ATP8B4: variants seen among roughly 807,000 people sequenced by gnomAD.
ATP8B4 encodes ATPase phospholipid transporting 8B4 (putative).
In ATP8B4, 133 loss-of-function variants were observed where a neutral mutation model predicts 145.6. The observed-to-expected ratio is 0.91, with a 90% confidence interval of 0.79 to 1.05. The LOEUF (loss-of-function observed/expected upper bound fraction) is 1.05. Among genes scored for constraint, ATP8B4 ranks in the 50% least tolerant of loss-of-function variants. The probability of loss-of-function intolerance (pLI) is 0.00; values close to 1 mark genes in which losing one functional copy is unlikely to be tolerated. For synonymous variants in ATP8B4, 507 were observed against 492.9 expected, an observed-to-expected ratio of 1.03 and a Z score of -0.38; for missense variants, 1,458 against 1,425.2, an observed-to-expected ratio of 1.02 and a Z score of -0.37.
chr15:49,906,999 C>T (rs2038694639), intron 20 of ATP8B4, among the ~76,000 whole-genome samples: 1 of 152,164 alleles, frequency 6.6e-6, no homozygotes, highest in Non-Finnish European at 1.5e-5. Flanking sequence ...CATATAAGAA[C>T]ACAAGTCATC....
upstream of ATP8B4, among the ~76,000 whole-genome samples, chr15:50,124,205 C>G (rs1225948433): frequency 1.3e-5 from 2 of 152,150 alleles, no homozygotes; most frequent in Non-Finnish European, 2.9e-5. Context: ...CTGGCACTTT[C>G]CACTGTGTAT....
intron 14 of ATP8B4, among the ~76,000 whole-genome samples, chr15:49,941,327 C>T (rs117277714): frequency 0.011 from 1,621 of 152,154 alleles, 13 homozygotes; most frequent in Non-Finnish European, 0.018. Context: ...ACAAGGAATT[C>T]CAGAGACAAT....
chr15:50,025,342 C>T (rs2049926593), intron 6 of ATP8B4, among the ~76,000 whole-genome samples: 1 of 152,206 alleles, frequency 6.6e-6, no homozygotes, highest in African/African-American at 2.4e-5. Flanking sequence ...GCCTTGAAGG[C>T]CCTGCAGGGT....
At chr15:49,868,407 C>T (rs1258985484) in intron 25 of ATP8B4, among the ~76,000 whole-genome samples, 1 of 152,122 alleles carries the variant, frequency 6.6e-6, no homozygotes, top group Non-Finnish European at 1.5e-5. Context: ...ATCTCAATAT[C>T]CTTTCTGAAG....
chr15:49,961,929 A>G (rs750032318), intron 14 of ATP8B4, 48 bp downstream of exon 14: 34 of 1,459,980 alleles, frequency 2.3e-5, no homozygotes, highest in Non-Finnish European at 3.0e-5. Flanking sequence ...TTAAAAGTAC[A>G]TATAATTTGA....
chr15:50,112,654 A>G (rs1413916493), intron 1 of ATP8B4, among the ~76,000 whole-genome samples: 1 of 151,960 alleles, frequency 6.6e-6, no homozygotes, highest in African/African-American at 2.4e-5. Flanking sequence ...CAAGTCATGT[A>G]CCCTGCCTGA....
chr15:50,130,167 CAGGTCTTAACTGCA>C (rs2153678836), intron 1 of ATP8B4, among the ~76,000 whole-genome samples: 3 of 152,238 alleles, frequency 2.0e-5, no homozygotes, highest in Admixed American at 2.0e-4. Context: ...CCACATCTTT[CAGGTCTTAACTGCA>C]TTCTCACTTC....
At chr15:50,049,892 C>T (rs2052042339) in intron 3 of ATP8B4, among the ~76,000 whole-genome samples, 1 of 151,980 alleles carries the variant, frequency 6.6e-6, no homozygotes, top group Admixed American at 6.6e-5. Flanking sequence ...TTTTGATTTG[C>T]CTTTCTTTAA....
chr15:50,116,460 C>T (rs1471349803), intron 1 of ATP8B4, among the ~76,000 whole-genome samples: 1 of 152,122 alleles, frequency 6.6e-6, no homozygotes, highest in Non-Finnish European at 1.5e-5. Context: ...TTAGTTTGAA[C>T]ATGTGGGCTT....
intron 1 of ATP8B4, among the ~76,000 whole-genome samples, chr15:50,154,812 C>A (rs2044391521): frequency 6.6e-6 from 1 of 152,078 alleles, no homozygotes; most frequent in Admixed American, 6.6e-5. Context: ...TTAGCTGCGA[C>A]TACAGGTGCT....
chr15:50,088,301 G>T (rs1269913963), intron 2 of ATP8B4, among the ~76,000 whole-genome samples: 1 of 151,762 alleles, frequency 6.6e-6, no homozygotes, highest in African/African-American at 2.4e-5. Context: ...AACCCGGGAG[G>T]CGTCTCTGCA....
At chr15:50,162,728 G>A (rs140489078) in intron 1 of ATP8B4, among the ~76,000 whole-genome samples, 3,293 of 151,932 alleles carry the variant, frequency 0.022, 100 homozygotes, top group African/African-American at 0.065. Flanking sequence ...GGATGGTCTC[G>A]ATCTCCTGAC....
At chr15:50,090,748 T>C (rs2055557469) in intron 2 of ATP8B4, among the ~76,000 whole-genome samples, 1 of 152,220 alleles carries the variant, frequency 6.6e-6, no homozygotes. Flanking sequence ...GCCAAAATTA[T>C]TGAAATGTGA....
chr15:50,086,886 T>C (rs1216478775), intron 2 of ATP8B4, among the ~76,000 whole-genome samples: 1 of 83,836 alleles, frequency 1.2e-5, no homozygotes, highest in Non-Finnish European at 2.1e-5. Context: ...TTATTATATA[T>C]AATAAAATAA....
chr15:50,022,829 G>A (rs2049687683), intron 6 of ATP8B4, among the ~76,000 whole-genome samples: 2 of 152,182 alleles, frequency 1.3e-5, no homozygotes, highest in South Asian at 4.1e-4. Context: ...TATATCAAAT[G>A]GCAGTTGCAT....
intron 6 of ATP8B4, among the ~76,000 whole-genome samples, chr15:50,036,952 T>G (rs899627843): frequency 4.6e-5 from 7 of 152,164 alleles, no homozygotes; most frequent in Non-Finnish European, 1.5e-5. Flanking sequence ...TCACAAGGAA[T>G]TAACAAAAAG....
At chr15:49,911,653 C>T (rs781340237) in intron 20 of ATP8B4, among the ~76,000 whole-genome samples, 77 of 152,216 alleles carry the variant, frequency 5.1e-4, no homozygotes, top group Non-Finnish European at 9.6e-4. Context: ...CAATGAAGAA[C>T]ATTAGATTTA....
At chr15:49,884,450 A>G (rs903028759) in intron 23 of ATP8B4, among the ~76,000 whole-genome samples, 1 of 151,850 alleles carries the variant, frequency 6.6e-6, no homozygotes, top group Non-Finnish European at 1.5e-5. Flanking sequence ...AAATACAAAA[A>G]ATTGGCTGGT....
chr15:50,158,133 G>C (rs991911380), intron 1 of ATP8B4, among the ~76,000 whole-genome samples: 1 of 152,194 alleles, frequency 6.6e-6, no homozygotes. Context: ...CGTCTGCCTT[G>C]GCCTCCCAAA....
Sources: allele counts gnomAD v4.1 joint callset (sites outside exome capture counted in the v4.1 genomes callset), GRCh38; gene constraint gnomAD v4.1.1; transcripts MANE v1.5; gene names NCBI Gene and HGNC (gene_info 2026-07-23, HGNC 2026-07-21).